SOST: variants seen among roughly 807,000 people sequenced by gnomAD.
SOST encodes sclerosteosis.
In SOST, 14 loss-of-function variants were observed where a neutral mutation model predicts 16.7. That is an observed-to-expected ratio of 0.84 (90% CI 0.55 to 1.31). SOST has a LOEUF of 1.31. Among genes scored for constraint, SOST ranks in the 50% most tolerant of loss-of-function variants. SOST has a pLI of 0.00. For synonymous variants in SOST, 150 were observed against 140.9 expected, an observed-to-expected ratio of 1.06 and a Z score of -0.46; for missense variants, 291 against 310.7, an observed-to-expected ratio of 0.94 and a Z score of 0.48.
rs370213232 is a variant in SOST, at chr17:43,757,123, G to A, written c.221-1360C>T. 3.9e-5 allele frequency among the ~76,000 whole-genome samples: 6 copies of A among 152,220 alleles called. No homozygotes were observed. The South Asian group carries it at 6.2e-4, about 16-fold the overall frequency. On this transcript the variant is annotated intron_variant, in intron 1 of 1. Transcript: ENST00000301691. Reference sequence around the variant, plus strand: ...ACCTCTGCAGGGCTGGAATGTGTGTGTGGTCAGGGGGGCATTTGCCCAGGG... The same window carrying A: ...ACCTCTGCAGGGCTGGAATGTGTGTATGGTCAGGGGGGCATTTGCCCAGGG...
chr17:43,756,544 A>G (rs1974132282), intron 1 of SOST, among the ~76,000 whole-genome samples: 1 of 152,188 alleles, frequency 6.6e-6, no homozygotes, highest in Non-Finnish European at 1.5e-5. Flanking sequence ...CTGGGGTCCC[A>G]GCACCTTTTG....
Position 43,758,561 on chromosome 17 carries a change from T to C in SOST, c.181A>G (p.Asn61Asp), listed in dbSNP as rs1370224367. 6.2e-7 allele frequency: 1 copy of C among 1,614,102 alleles called. No homozygotes were observed. Among genetic ancestry groups the C allele is most frequent in the Non-Finnish European group, 8.5e-7 (1 of 1,180,024 alleles). ...GGGTGGTGGGGAGGCCGCCCTCCGT[T>C]CTCCGCCCGGTTCATGGTCTTGTTG... Reference protein sequence around the residue: ...ENNKTMNRAENGGRPPHHPFE... With the variant: ...ENNKTMNRAEDGGRPPHHPFE... The change falls in exon 1 of 2, where the codon AAC (asparagine) becomes GAC (aspartate). Residue 61 changes from asparagine (N) to aspartate (D), a missense_variant. Coordinates refer to ENST00000301691, the MANE Select transcript of SOST (RefSeq NM_025237.3).
chr17:43,757,243 G>C (rs1974140486), intron 1 of SOST, among the ~76,000 whole-genome samples: 3 of 152,244 alleles, frequency 2.0e-5, no homozygotes, highest in African/African-American at 7.2e-5. Context: ...GGCTTCCTCA[G>C]GGGCTGTGGC....
rs1974102099 is a variant in SOST, at chr17:43,754,236, A to G, written c.*1106T>C. ...GTGGTGGGCAGAAGGCGGTGTCTCAAAAGGGATGTGCTGGTCTGTGAGTTT... is the reference window on the plus strand; with the variant it reads ...GTGGTGGGCAGAAGGCGGTGTCTCAGAAGGGATGTGCTGGTCTGTGAGTTT... On this transcript the variant is annotated 3_prime_UTR_variant, in exon 2 of 2. Transcript: ENST00000301691. 4 of 151,528 alleles carry G rather than the reference A, an allele frequency of 2.6e-5. No individual in the cohort carries two copies. The highest frequency in any genetic ancestry group is 2.0e-4 in the Admixed American group (3 of 15,210). 9.4% of individuals were successfully genotyped at this position (151,528 alleles called of 1,614,324 possible). A position where few individuals can be genotyped will look rare whatever the true frequency, so the allele number is the denominator to read the frequency against.
intron 1 of SOST, among the ~76,000 whole-genome samples, chr17:43,756,909 C>T (rs1974136605): frequency 6.6e-6 from 1 of 152,098 alleles, no homozygotes; most frequent in African/African-American, 2.4e-5. Context: ...CCAGTCCACC[C>T]CCAAAGGTTT....
rs200969597 is a variant in SOST at position 43,757,062 on chromosome 17, G to T, written c.221-1299C>A. Among the ~76,000 whole-genome samples, 39 of 152,332 alleles carry T rather than the reference G, an allele frequency of 2.6e-4. No homozygotes were observed. The East Asian group carries it at 7.1e-3, about 28-fold the overall frequency. ...AGATGTGGCCACTGCCATCGTCTGGGGCTGCTTTCTGGTCTGTGGGCTGGT... is the reference window on the plus strand; with the variant it reads ...AGATGTGGCCACTGCCATCGTCTGGTGCTGCTTTCTGGTCTGTGGGCTGGT... On this transcript the variant is annotated intron_variant, in intron 1 of 1. Transcript: ENST00000301691.
intron 1 of SOST, among the ~76,000 whole-genome samples, chr17:43,756,868 G>A (rs1221885130): frequency 6.6e-6 from 1 of 152,194 alleles, no homozygotes; most frequent in African/African-American, 2.4e-5. Context: ...ATGGGTGGGA[G>A]CTTTTTAAAT....
rs913254561 is a variant in SOST, at chr17:43,753,766, T to A, written c.*1576A>T. 2 of 152,622 alleles carry A rather than the reference T, an allele frequency of 1.3e-5. No individual in the cohort carries two copies. The highest frequency in any genetic ancestry group is 2.4e-5 in the African/African-American group (1 of 41,454). 9.5% of individuals were successfully genotyped at this position (152,622 alleles called of 1,614,324 possible). ...TGATTCATTGTCTTTATTAACAATG[T>A]CTCTGGACTCTGGAAGAACAGACTG... On this transcript the variant is annotated 3_prime_UTR_variant, in exon 2 of 2. Transcript: ENST00000301691.
intron 1 of SOST, among the ~76,000 whole-genome samples, chr17:43,758,227 T>C (rs1171990031): frequency 6.6e-6 from 1 of 152,098 alleles, no homozygotes; most frequent in African/African-American, 2.4e-5. Flanking sequence ...AACCTTTTCT[T>C]TTCTGAGCCC....
At chr17:43,756,770 A>T (rs1415694609) in intron 1 of SOST, among the ~76,000 whole-genome samples, 4 of 151,964 alleles carry the variant, frequency 2.6e-5, no homozygotes, top group African/African-American at 9.7e-5. Flanking sequence ...CCTCATGGTG[A>T]TACTCCCTGG....
rs772681644 is a variant in SOST, at chr17:43,755,597, C to T, written c.387G>A (p.Gly129=). Residue 129 remains glycine (G), a synonymous_variant, in exon 2 of 2, where the codon GGG becomes GGA. Transcript: ENST00000301691. This position sits in a 1 kb window ranked among gnomAD's most constrained non-coding sequence, Gnocchi z 4.3. Reference sequence around the variant, plus strand: ...GGTCGGGGATGCAGCGGAAGTCGGGCCCACTAGGTCGCCACCACTTGCCGC... The same window carrying T: ...GGTCGGGGATGCAGCGGAAGTCGGGTCCACTAGGTCGCCACCACTTGCCGC... The part of the protein sequence containing the change: ...IGRGKWWRPS[G]PDFRCIPDRY... 1.1e-5 allele frequency: 17 copies of T among 1,589,830 alleles called. No homozygotes were observed. In the Admixed American group the frequency reaches 2.7e-4, roughly 25 times the overall value.
At chr17:43,756,822 C>CA (rs1338944079) in intron 1 of SOST, among the ~76,000 whole-genome samples, 3 of 152,194 alleles carry the variant, frequency 2.0e-5, no homozygotes, top group Non-Finnish European at 4.4e-5. Context: ...TGATCCCCTG[C>CA]ACACACCTTG....
rs1391350953 is a variant in SOST at position 43,755,674 on chromosome 17, C to T, written c.310G>A (p.Val104Met). The T allele has an allele frequency of 6.4e-7, 1 of 1,569,636 alleles. No homozygotes were observed. Among genetic ancestry groups the T allele is most frequent in the East Asian group, 2.3e-5 (1 of 43,134 alleles). The stretch of plus-strand genomic sequence containing the variant: ...GCCGGGCCGCACTGGCCGGAGCACA[C>T]CAGCTCGGTGACCGGCTTGGCGCTG... The part of the protein sequence containing the change: ...CRSAKPVTEL[V>M]CSGQCGPARL... Residue 104 changes from valine to methionine, a missense_variant, in exon 2 of 2, where the codon GTG (valine) becomes ATG (methionine). By Grantham distance (21) the Val-to-Met change is conservative. Transcript: ENST00000301691. The surrounding 1 kb of genome is among the most constrained non-coding windows in gnomAD (Gnocchi z 4.3).
Position 43,755,665 on chromosome 17 carries a change from C to G in SOST, c.319G>C (p.Gly107Arg). ...AKPVTELVCSGQCGPARLLPN... is the reference protein window; with the variant it reads ...AKPVTELVCSRQCGPARLLPN... ...AGCAGGCGCGCCGGGCCGCACTGGC[C>G]GGAGCACACCAGCTCGGTGACCGGC... The change falls in exon 2 of 2, where the codon GGC (glycine) becomes CGC (arginine). Residue 107 changes from glycine to arginine, a missense_variant. Physicochemically the swap from Gly to Arg is moderately radical, Grantham distance 125. Transcript: ENST00000301691. This position sits in a 1 kb window ranked among gnomAD's most constrained non-coding sequence, Gnocchi z 4.3. The G allele has an allele frequency of 6.4e-7, 1 of 1,568,934 alleles. No individual in the cohort carries two copies. The highest frequency in any genetic ancestry group is 1.2e-5 in the South Asian group (1 of 86,902).
Position 43,755,372 on chromosome 17 carries a change from G to A in SOST, c.612C>T (p.Ala204=). ...KPRPRARSAK[A]NQAELENAY ...AGGCGTTCTCCAGCTCGGCCTGGTTGGCTTTGGCGCTCCGGGCGCGGGGCC... is the reference window on the plus strand; with the variant it reads ...AGGCGTTCTCCAGCTCGGCCTGGTTAGCTTTGGCGCTCCGGGCGCGGGGCC... Residue 204 remains alanine, a synonymous_variant, in exon 2 of 2, where the codon GCC becomes GCT. Transcript: ENST00000301691. This position sits in a 1 kb window ranked among gnomAD's most constrained non-coding sequence, Gnocchi z 4.3. 6.3e-7 allele frequency: 1 copy of A among 1,587,856 alleles called. No individual in the cohort carries two copies.
At chr17:43,757,937 GCTAT>G (rs1974148864) in intron 1 of SOST, among the ~76,000 whole-genome samples, 1 of 152,160 alleles carries the variant, frequency 6.6e-6, no homozygotes, top group South Asian at 2.1e-4. Context: ...ACACACCAGG[GCTAT>G]CTTGCAGTTG....
chr17:43,756,814 A>C (rs1400292001), intron 1 of SOST, among the ~76,000 whole-genome samples: 1 of 152,082 alleles, frequency 6.6e-6, no homozygotes, highest in African/African-American at 2.4e-5. Flanking sequence ...GCCTGGCCTG[A>C]TCCCCTGCAC....
rs1201235150 is a variant in SOST at position 43,755,665 on chromosome 17, C to T, written c.319G>A (p.Gly107Ser). Residue 107 changes from glycine to serine, a missense_variant, in exon 2 of 2, where the codon GGC becomes AGC. By Grantham distance (56) the Gly-to-Ser change is moderately conservative (BLOSUM62 0). Coordinates refer to ENST00000301691, the MANE Select transcript of SOST (RefSeq NM_025237.3). The surrounding 1 kb of genome is among the most constrained non-coding windows in gnomAD (Gnocchi z 4.3). Reference sequence around the variant, plus strand: ...AGCAGGCGCGCCGGGCCGCACTGGCCGGAGCACACCAGCTCGGTGACCGGC... The same window carrying T: ...AGCAGGCGCGCCGGGCCGCACTGGCTGGAGCACACCAGCTCGGTGACCGGC... ...AKPVTELVCS[G>S]QCGPARLLPN... 6.4e-7 allele frequency: 1 copy of T among 1,568,934 alleles called. No individual in the cohort carries two copies. Among genetic ancestry groups the T allele is most frequent in the Non-Finnish European group, 8.6e-7 (1 of 1,164,372 alleles).
In SOST at chr17:43,755,597, C is replaced by A; in HGVS notation, c.387G>T (p.Gly129=). 6.3e-7 allele frequency: 1 copy of A among 1,589,830 alleles called. No individual in the cohort carries two copies. ...IGRGKWWRPS[G]PDFRCIPDRY... is the part of the protein sequence containing the mutation. ...GGTCGGGGATGCAGCGGAAGTCGGG[C>A]CCACTAGGTCGCCACCACTTGCCGC... The change falls in exon 2 of 2, where the codon GGG becomes GGT. Residue 129 remains glycine (G), a synonymous_variant. Coordinates refer to ENST00000301691, the MANE Select transcript of SOST (RefSeq NM_025237.3). This position sits in a 1 kb window ranked among gnomAD's most constrained non-coding sequence, Gnocchi z 4.3.
Sources: gnomAD v4.1 joint callset for allele counts (sites outside exome capture counted in the v4.1 genomes callset) on GRCh38, gnomAD v4.1.1 for gene constraint, Gnocchi (gnomAD v3.1) non-coding constraint, MANE v1.5 for transcripts, NCBI Gene and HGNC (gene_info 2026-07-23, HGNC 2026-07-21) for gene names.